Variants in PKD2 observed in about 807,000 individuals in gnomAD.
PKD2 encodes the protein polycystin-2.
Under a neutral mutation model 105.9 loss-of-function variants are expected in PKD2, and 48 were observed. That is an observed-to-expected ratio of 0.45 (90% CI 0.36 to 0.58). The LOEUF (loss-of-function observed/expected upper bound fraction) is 0.58. PKD2 is among the 20% of genes least tolerant of loss of function. The pLI, the probability that PKD2 is intolerant of heterozygous loss-of-function variation, is 0.00. For missense variants in PKD2, 1,078 were observed against 1,255.3 expected, an observed-to-expected ratio of 0.86 and a Z score of 2.13; for synonymous variants, 464 against 481.1, an observed-to-expected ratio of 0.96 and a Z score of 0.46.
At chr4:88,060,448 A>G (rs751600949) in intron 9 of PKD2, among the ~76,000 whole-genome samples, 3 of 151,220 alleles carry the variant, frequency 2.0e-5, no homozygotes, top group Non-Finnish European at 4.4e-5. Flanking sequence ...ATCCATATAT[A>G]TATATATATC....
chr4:88,055,259 C>G (rs187331415), intron 7 of PKD2, among the ~76,000 whole-genome samples: 195 of 152,340 alleles, frequency 1.3e-3, no homozygotes, highest in Non-Finnish European at 1.9e-3. Flanking sequence ...ATAAAGCCCT[C>G]CACATATAAC....
At chr4:88,043,534 A>G (rs1037872257) in intron 5 of PKD2, 77 bp downstream of exon 5, 4 of 1,087,446 alleles carry the variant, frequency 3.7e-6, no homozygotes, top group Non-Finnish European at 5.6e-6. Flanking sequence ...AGCCAGAAAA[A>G]CCTTTGCCTG....
chr4:88,057,324 T>C (rs1720390696), intron 8 of PKD2, among the ~76,000 whole-genome samples: 1 of 152,040 alleles, frequency 6.6e-6, no homozygotes, highest in Non-Finnish European at 1.5e-5. Flanking sequence ...TTTTTAACTT[T>C]AGACCGAGGG....
chr4:88,017,915 T>C (rs1222473858), intron 1 of PKD2, among the ~76,000 whole-genome samples: 1 of 152,248 alleles, frequency 6.6e-6, no homozygotes, highest in Non-Finnish European at 1.5e-5. Flanking sequence ...ACATATATTT[T>C]AGGCCTGGCC....
At chr4:88,066,810 A>G (rs766649733) in intron 12 of PKD2, among the ~76,000 whole-genome samples, 2 of 152,212 alleles carry the variant, frequency 1.3e-5, no homozygotes, top group Non-Finnish European at 2.9e-5. Flanking sequence ...GACAGCAACA[A>G]CAAAAATCTG....
Position 88,008,059 on chromosome 4 carries a change from G to A in PKD2, c.326G>A (p.Gly109Glu), listed in dbSNP as rs1726240802. The A allele has an allele frequency of 6.6e-7, 1 of 1,521,882 alleles. No individual in the cohort carries two copies. Among genetic ancestry groups the A allele is most frequent in the South Asian group, 1.2e-5 (1 of 82,460 alleles). 94.3% of individuals were successfully genotyped at this position (1,521,882 alleles called of 1,614,324 possible). A position where few individuals can be genotyped will look rare whatever the true frequency, so the allele number is the denominator to read the frequency against. The change falls in exon 1 of 15, where the codon GGA becomes GAA. Residue 109 changes from glycine (G) to glutamate (E), a missense_variant. Gly to Glu is a moderately conservative substitution (Grantham distance 98). Transcript: ENST00000237596. The part of the protein sequence containing the change: ...EEEEVEGEEG[G>E]MVVEMDVEWR... The stretch of plus-strand genomic sequence containing the variant: ...GAGGAGGTGGAAGGGGAAGAAGGCG[G>A]AATGGTGGTGGAGATGGACGTAGAG...
intron 1 of PKD2, among the ~76,000 whole-genome samples, chr4:88,012,184 C>A (rs1041007606): frequency 6.6e-6 from 1 of 152,162 alleles, no homozygotes; most frequent in Admixed American, 6.5e-5. Context: ...TGTTAAACTC[C>A]TTATATTCAT....
At chr4:88,015,614 G>T (rs950045833) in intron 1 of PKD2, among the ~76,000 whole-genome samples, 3 of 152,072 alleles carry the variant, frequency 2.0e-5, no homozygotes, top group African/African-American at 7.2e-5. Context: ...TAGAGAGGAG[G>T]TTTCACCATG....
intron 1 of PKD2, among the ~76,000 whole-genome samples, chr4:88,010,175 G>A (rs1480053089): frequency 6.6e-6 from 1 of 151,882 alleles, no homozygotes; most frequent in Non-Finnish European, 1.5e-5. Context: ...GCTCACTGCG[G>A]CCTCAAACTC....
At chr4:88,024,457 G>GAAAAAAAAAAAAAAAAAAAA (rs552942631) in intron 2 of PKD2, among the ~76,000 whole-genome samples, 3 of 50,384 alleles carry the variant, frequency 6.0e-5, no homozygotes, top group African/African-American at 8.8e-5. Flanking sequence ...ACTCTGTCTC[G>GAAAAAAAAAAAAAAAAAAAA]AAAAAAAAAA....
chr4:88,057,378 A>G (rs923144472), intron 8 of PKD2, among the ~76,000 whole-genome samples: 5 of 150,286 alleles, frequency 3.3e-5, no homozygotes, highest in African/African-American at 9.8e-5. Context: ...TACCTAGATT[A>G]TGTGTTGAAA....
At chr4:88,038,206 C>T (rs373299763) in intron 3 of PKD2, 45 bp from the exon 4 acceptor site, 36 of 1,608,758 alleles carry the variant, frequency 2.2e-5, no homozygotes, top group Admixed American at 2.2e-4. Flanking sequence ...GGCAAGACAG[C>T]GGCTGAGCTT....
intron 1 of PKD2, among the ~76,000 whole-genome samples, chr4:88,009,234 C>T (rs966106337): frequency 3.9e-5 from 6 of 152,158 alleles, no homozygotes; most frequent in African/African-American, 1.4e-4. Context: ...CAGAGGTATC[C>T]TTGGGAAAGT....
At chr4:88,062,032 C>A (rs1720595653) in intron 10 of PKD2, 28 bp downstream of exon 10, 1 of 1,053,448 alleles carries the variant, frequency 9.5e-7, no homozygotes. Context: ...TCTCAGAATT[C>A]TTCTGTTTCT....
At chr4:88,024,685 A>G (rs1172477488) in intron 2 of PKD2, among the ~76,000 whole-genome samples, 1 of 152,186 alleles carries the variant, frequency 6.6e-6, no homozygotes, top group Non-Finnish European at 1.5e-5. Flanking sequence ...TAGAAACATA[A>G]TATTTCTGTA....
intron 1 of PKD2, among the ~76,000 whole-genome samples, chr4:88,012,697 C>G (rs1726427240): frequency 6.6e-6 from 1 of 152,108 alleles, no homozygotes; most frequent in Non-Finnish European, 1.5e-5. Flanking sequence ...AACAGAAACT[C>G]TGTACTCATT....
At chr4:88,070,797 A>G (rs2110145429) in intron 13 of PKD2, among the ~76,000 whole-genome samples, 2 of 148,710 alleles carry the variant, frequency 1.3e-5, no homozygotes, top group Non-Finnish European at 3.0e-5. Context: ...ATGCCTGGCT[A>G]ATTTTTAAAA....
At chr4:88,066,628 C>T (rs974136810) in intron 12 of PKD2, among the ~76,000 whole-genome samples, 1 of 152,114 alleles carries the variant, frequency 6.6e-6, no homozygotes, top group Non-Finnish European at 1.5e-5. Flanking sequence ...GGTGGGATTA[C>T]AGGCAGTAGC....
chr4:88,041,928 C>G (rs139470465), intron 4 of PKD2, among the ~76,000 whole-genome samples: 1 of 152,198 alleles, frequency 6.6e-6, no homozygotes, highest in South Asian at 2.1e-4. Flanking sequence ...CCTCCCCACT[C>G]CAGTCTTCCC....
Sources: gnomAD v4.1 joint callset for allele counts (sites outside exome capture counted in the v4.1 genomes callset) on GRCh38, gnomAD v4.1.1 for gene constraint, MANE v1.5 for transcripts, NCBI Gene and HGNC (gene_info 2026-07-23, HGNC 2026-07-21) for gene names.